Variants in PRDM11 observed in about 807,000 individuals in gnomAD.
PRDM11 encodes the protein PR domain-containing protein 11.
In PRDM11, 20 loss-of-function variants were observed where a neutral mutation model predicts 97.8. The observed-to-expected ratio is 0.20, with a 90% CI of 0.14 to 0.30. PRDM11 has a LOEUF of 0.30. Among genes scored for constraint, PRDM11 ranks in the 10% least tolerant of loss-of-function variants. The pLI, the probability that PRDM11 is intolerant of heterozygous loss-of-function variation, is 1.00. For missense variants in PRDM11, 1,139 were observed against 1,555.2 expected, an observed-to-expected ratio of 0.73 and a Z score of 4.50; for synonymous variants, 599 against 637.7, an observed-to-expected ratio of 0.94 and a Z score of 0.91.
intron 4 of PRDM11, among the ~76,000 whole-genome samples, chr11:45,200,351 G>A (rs554913683): frequency 6.6e-6 from 1 of 152,262 alleles, no homozygotes; most frequent in Non-Finnish European, 1.5e-5. Context: ...CCCCAAATTA[G>A]TAATTAATAT....
At chr11:45,144,811 T>C (rs1851471561), upstream of PRDM11, among the ~76,000 whole-genome samples, 1 of 152,216 alleles carries the variant, frequency 6.6e-6, no homozygotes, top group East Asian at 1.9e-4. Flanking sequence ...AACAAATGGC[T>C]CCTTCCTCAG....
chr11:45,188,270 C>T (rs527828016), intron 4 of PRDM11, among the ~76,000 whole-genome samples: 35 of 152,298 alleles, frequency 2.3e-4, no homozygotes, highest in Admixed American at 1.7e-3. Flanking sequence ...ATCCTAACAA[C>T]GCTCCTGTGA....
At chr11:45,225,956 C>T (rs1180166740) in intron 7 of PRDM11, 39 bp from the exon 8 acceptor site, 1 of 1,447,784 alleles carries the variant, frequency 6.9e-7, no homozygotes, top group Non-Finnish European at 9.1e-7. Flanking sequence ...CCTGTTTTCT[C>T]CCCCAGGTAT....
In PRDM11 at chr11:45,224,490, A is replaced by T; in HGVS notation, c.1016A>T (p.Asp339Val). Reference sequence around the variant, plus strand: ...ATCAGGAAAGTCCCCAAATACCAGGATGACGCCTACAGTCAGTGTGCAACA... The same window carrying T: ...ATCAGGAAAGTCCCCAAATACCAGGTTGACGCCTACAGTCAGTGTGCAACA... ...LVIRKVPKYQDDAYSQCATTM... is the reference protein window; with the variant it reads ...LVIRKVPKYQVDAYSQCATTM... Residue 339 changes from aspartate (D) to valine (V), a missense_variant, in exon 7 of 8, where the codon GAT becomes GTT. This residue lies in a region of PRDM11 where 429 missense variants were observed against 510.3 expected (regional missense o/e 0.84). Transcript: ENST00000683152. The T allele has an allele frequency of 6.2e-7, 1 of 1,614,190 alleles. No individual in the cohort carries two copies. Among genetic ancestry groups the T allele is most frequent in the Non-Finnish European group, 8.5e-7 (1 of 1,180,032 alleles).
At chr11:45,139,193 A>C (rs1295699399) in intron 1 of PRDM11, among the ~76,000 whole-genome samples, 1 of 152,212 alleles carries the variant, frequency 6.6e-6, no homozygotes, top group Non-Finnish European at 1.5e-5. Flanking sequence ...TGTCGGGGAA[A>C]CAAGCAGGCT....
At chr11:45,193,180 C>T (rs998366637) in intron 4 of PRDM11, among the ~76,000 whole-genome samples, 1 of 152,214 alleles carries the variant, frequency 6.6e-6, no homozygotes, top group African/African-American at 2.4e-5. Flanking sequence ...GGACTTAAGC[C>T]ATCCTCCTGC....
intron 1 of PRDM11, among the ~76,000 whole-genome samples, chr11:45,157,949 G>A (rs770558475): frequency 4.4e-4 from 67 of 152,196 alleles, no homozygotes; most frequent in Non-Finnish European, 7.5e-4. Flanking sequence ...CTGGGTACCT[G>A]GTCTCTGATG....
chr11:45,201,116 G>A (rs148355789), intron 4 of PRDM11, among the ~76,000 whole-genome samples: 18 of 152,126 alleles, frequency 1.2e-4, no homozygotes, highest in South Asian at 2.1e-4. Flanking sequence ...ATATGCAATC[G>A]CAACTATTGT....
At chr11:45,151,551 T>C (rs900565367) in intron 1 of PRDM11, among the ~76,000 whole-genome samples, 1 of 152,244 alleles carries the variant, frequency 6.6e-6, no homozygotes, top group Non-Finnish European at 1.5e-5. Flanking sequence ...ATGCCATTGC[T>C]GTGCCAGGCA....
chr11:45,173,642 AGTT>A (rs975975168), intron 1 of PRDM11, among the ~76,000 whole-genome samples: 1 of 149,362 alleles, frequency 6.7e-6, no homozygotes, highest in African/African-American at 2.5e-5. Flanking sequence ...AAAAAAAAAA[AGTT>A]CTGCGGGAGG....
chr11:45,152,199 T>C (rs1016134369), intron 1 of PRDM11, among the ~76,000 whole-genome samples: 1 of 152,182 alleles, frequency 6.6e-6, no homozygotes, highest in East Asian at 1.9e-4. Flanking sequence ...CCCGAGTAGC[T>C]GGGACTACAG....
rs749285823 is a variant in PRDM11, at chr11:45,182,966, C to T, written c.329C>T (p.Ala110Val). ...PVPVGIPDRAALTIPQGMEVV... is the reference protein window; with the variant it reads ...PVPVGIPDRAVLTIPQGMEVV... Reference sequence around the variant, plus strand: ...CCCGTGGGCATCCCAGACCGGGCGGCGCTCACCATCCCACAGGGCATGGAG... The same window carrying T: ...CCCGTGGGCATCCCAGACCGGGCGGTGCTCACCATCCCACAGGGCATGGAG... The change falls in exon 4 of 8, where the codon GCG becomes GTG. Residue 110 changes from alanine (A) to valine (V), a missense_variant. Physicochemically the swap from Ala to Val is moderately conservative, Grantham distance 64. Transcript: ENST00000683152. 18 of 1,613,928 alleles carry T rather than the reference C, an allele frequency of 1.1e-5. No homozygotes were observed. The highest frequency in any genetic ancestry group is 2.7e-5 in the African/African-American group (2 of 74,938).
At chr11:45,106,845 A>G (rs1335316402) in intron 1 of PRDM11, among the ~76,000 whole-genome samples, 4 of 152,240 alleles carry the variant, frequency 2.6e-5, no homozygotes, top group Non-Finnish European at 5.9e-5. Context: ...ATCTTCTGCC[A>G]TACTCTACTG....
chr11:45,138,850 A>G (rs1852933067), intron 1 of PRDM11, among the ~76,000 whole-genome samples: 2 of 152,256 alleles, frequency 1.3e-5, no homozygotes, highest in African/African-American at 4.8e-5. Flanking sequence ...AACAGAAAAC[A>G]TCTAAATTTC....
At chr11:45,166,767 C>G (rs1852075448) in intron 1 of PRDM11, among the ~76,000 whole-genome samples, 1 of 152,244 alleles carries the variant, frequency 6.6e-6, no homozygotes, top group African/African-American at 2.4e-5. Flanking sequence ...CACCTCCTTC[C>G]TGGAGGACTT....
upstream of PRDM11, among the ~76,000 whole-genome samples, chr11:45,142,789 A>T (rs939275446): frequency 6.6e-6 from 1 of 152,220 alleles, no homozygotes; most frequent in African/African-American, 2.4e-5. Context: ...TGAATGGACA[A>T]GATCAGAACA....
rs1854371121 is a variant in PRDM11, at chr11:45,230,101, C to T, written c.*1942C>T. The T allele has an allele frequency of 2.7e-5, 4 of 150,676 alleles. No individual in the cohort carries two copies. Among genetic ancestry groups the T allele is most frequent in the African/African-American group, 7.3e-5 (3 of 41,066 alleles). 9.3% of individuals were successfully genotyped at this position (150,676 alleles called of 1,614,324 possible). A position where few individuals can be genotyped will look rare whatever the true frequency, so the allele number is the denominator to read the frequency against. On this transcript the variant is annotated 3_prime_UTR_variant, in exon 8 of 8. Transcript: ENST00000683152. ...TAACTTTAGAATCATTGCTGCTAGT[C>T]AATAGCTTTTCATTATATAAATATA...
intron 1 of PRDM11, among the ~76,000 whole-genome samples, chr11:45,123,616 G>C (rs1288992943): frequency 6.6e-6 from 1 of 151,076 alleles, no homozygotes; most frequent in African/African-American, 2.4e-5. Context: ...TTTCCCCATT[G>C]CTTGTTTTTG....
intron 1 of PRDM11, among the ~76,000 whole-genome samples, chr11:45,102,685 T>A (rs957121253): frequency 6.7e-6 from 1 of 149,666 alleles, no homozygotes; most frequent in African/African-American, 2.5e-5. Context: ...TAGGTCCAGA[T>A]GACCTGTGAC....
Sources: allele counts gnomAD v4.1 joint callset (sites outside exome capture counted in the v4.1 genomes callset), GRCh38; gene constraint gnomAD v4.1.1; regional missense constraint gnomAD v4.1.1; transcripts MANE v1.5; gene names NCBI Gene and HGNC (gene_info 2026-07-23, HGNC 2026-07-21).